Variants in TNIP1 observed in about 807,000 individuals in gnomAD.
The protein encoded by TNIP1 is TNFAIP3 interacting protein 1, also known as TNFAIP3-interacting protein 1.
TNIP1 carries 22 observed loss-of-function variants against 86.6 expected under a neutral mutation model. That is an observed-to-expected ratio of 0.25 (90% CI 0.18 to 0.36). The LOEUF (loss-of-function observed/expected upper bound fraction) is 0.36, where lower values mean the gene tolerates loss of function less well. Among genes scored for constraint, TNIP1 ranks in the 10% least tolerant of loss-of-function variants. The pLI is 1.00. For missense variants in TNIP1, 709 were observed against 820.6 expected (o/e 0.86, Z 1.66); for synonymous variants, 294 against 313.0 (o/e 0.94, Z 0.64).
intron 9 of TNIP1, among the ~76,000 whole-genome samples, chr5:151,044,658 G>C (rs1198032222): frequency 1.3e-5 from 2 of 152,224 alleles, no homozygotes; most frequent in Non-Finnish European, 2.9e-5. Flanking sequence ...GGGTTCTAGA[G>C]AAGCACCTGG....
At chr5:151,046,283 A>C in intron 8 of TNIP1, 1 of 247,128 alleles carries the variant, frequency 4.0e-6, no homozygotes, top group Non-Finnish European at 7.9e-6. Context: ...CAGCCAAAAA[A>C]CTCTCTGGCC....
intron 8 of TNIP1, among the ~76,000 whole-genome samples, chr5:151,048,089 C>A (rs1226294280): frequency 2.6e-5 from 4 of 152,176 alleles, no homozygotes; most frequent in Admixed American, 2.0e-4. Flanking sequence ...AAGGTCACCC[C>A]CTTTGAGAAA....
At chr5:151,062,298 G>A (rs1761677267) in intron 3 of TNIP1, 86 bp from the exon 4 acceptor site, 1 of 1,262,080 alleles carries the variant, frequency 7.9e-7, no homozygotes, top group Non-Finnish European at 1.2e-6. Context: ...CTTGACAAAA[G>A]GGTTCTCAGA....
rs1756750304 is a variant in TNIP1 at position 151,030,489 on chromosome 5, C to T, written c.*224G>A. ...ACTCAGCAGCAGGGAAGGAGTTTTT[C>T]CCAGTCACTCCCAGCAGAGTACAAA... is the stretch of plus-strand genomic sequence containing the variant. On this transcript the variant is annotated 3_prime_UTR_variant, in exon 18 of 18. Coordinates refer to ENST00000521591, the MANE Select transcript of TNIP1 (RefSeq NM_006058.5). The T allele has an allele frequency of 1.5e-6, 1 of 646,424 alleles. No individual in the cohort carries two copies. 40.0% of individuals were successfully genotyped at this position (646,424 alleles called of 1,614,324 possible).
chr5:151,058,569 C>T (rs1346304957), intron 5 of TNIP1, among the ~76,000 whole-genome samples: 2 of 152,162 alleles, frequency 1.3e-5, no homozygotes, highest in African/African-American at 4.8e-5. Flanking sequence ...CCCACTTTAC[C>T]CTGCCTGAAC....
Position 151,063,724 on chromosome 5 carries a change from T to C in TNIP1, c.160A>G (p.Met54Val). The stretch of plus-strand genomic sequence containing the variant: ...TTCTGCCGGAGCCTGGTCGCTTCCA[T>C]CTGGGACTCTTCCAAAAGCTCCCCT... ...MLGELLEESQ[M>V]EATRLRQKAE... The change falls in exon 3 of 18, where the codon ATG becomes GTG. Residue 54 changes from methionine to valine, a missense_variant. Transcript: ENST00000521591. 6.2e-7 allele frequency: 1 copy of C among 1,613,978 alleles called. No individual in the cohort carries two copies. Among genetic ancestry groups the C allele is most frequent in the Non-Finnish European group, 8.5e-7 (1 of 1,179,948 alleles).
intron 5 of TNIP1, among the ~76,000 whole-genome samples, chr5:151,059,804 AG>A: frequency 9.0e-6 from 1 of 110,560 alleles, no homozygotes; most frequent in East Asian, 2.9e-4. Context: ...AGAGAGAGAG[AG>A]AGAGAGAGAG....
At chr5:151,080,745 C>T (rs1044937396) in intron 1 of TNIP1, 135 bp downstream of exon 1, 10 of 152,330 alleles carry the variant, frequency 6.6e-5, no homozygotes, top group African/African-American at 1.4e-4. Context: ...GGAGACGCCC[C>T]GGGACCCCGC....
chr5:151,078,022 C>T (rs1763583992), intron 1 of TNIP1, among the ~76,000 whole-genome samples: 1 of 152,122 alleles, frequency 6.6e-6, no homozygotes, highest in Non-Finnish European at 1.5e-5. Flanking sequence ...TCCAGAAGAC[C>T]CCTCCAACCA....
intron 11 of TNIP1, among the ~76,000 whole-genome samples, chr5:151,040,854 A>T (rs1758325972): frequency 6.6e-6 from 1 of 152,184 alleles, no homozygotes; most frequent in Non-Finnish European, 1.5e-5. Context: ...TGAAGGGGAA[A>T]ACATGGTGAC....
At chr5:151,060,244 C>T in intron 5 of TNIP1, 74 bp downstream of exon 5, 2 of 1,524,958 alleles carry the variant, frequency 1.3e-6, no homozygotes, top group Non-Finnish European at 1.8e-6. Flanking sequence ...GGTTCTGTGC[C>T]TCTCACATGG....
chr5:151,068,509 T>C (rs533652359), intron 1 of TNIP1, among the ~76,000 whole-genome samples: 5 of 152,254 alleles, frequency 3.3e-5, no homozygotes, highest in Non-Finnish European at 7.4e-5. Context: ...CCCTCTGCTG[T>C]CCACAAACCA....
intron 1 of TNIP1, among the ~76,000 whole-genome samples, chr5:151,072,729 C>G (rs761268291): frequency 6.6e-6 from 1 of 152,132 alleles, no homozygotes; most frequent in Non-Finnish European, 1.5e-5. Context: ...TAGCACTGGA[C>G]CCAACATTCC....
At chr5:151,045,249 C>T (rs750929425) in intron 9 of TNIP1, among the ~76,000 whole-genome samples, 10 of 152,080 alleles carry the variant, frequency 6.6e-5, no homozygotes, top group Admixed American at 2.0e-4. Context: ...GCCACCATGC[C>T]CGCTAATTTT....
intron 12 of TNIP1, among the ~76,000 whole-genome samples, chr5:151,037,876 G>A (rs367955907): frequency 1.4e-4 from 22 of 152,174 alleles, no homozygotes; most frequent in African/African-American, 3.9e-4. Context: ...AGGATGCTCC[G>A]AGGGGAAGTT....
intron 1 of TNIP1, among the ~76,000 whole-genome samples, chr5:151,079,078 G>A (rs1392925047): frequency 6.6e-6 from 1 of 152,194 alleles, no homozygotes; most frequent in African/African-American, 2.4e-5. Flanking sequence ...ACCCAAGGCT[G>A]GGAGACAAAC....
At chr5:151,080,666 G>A (rs1010146575) in intron 1 of TNIP1, among the ~76,000 whole-genome samples, 3 of 152,194 alleles carry the variant, frequency 2.0e-5, no homozygotes, top group African/African-American at 7.2e-5. Context: ...CGCGCAGTGC[G>A]CACGCGCGCC....
upstream of TNIP1, among the ~76,000 whole-genome samples, chr5:151,083,895 A>G (rs1017603648): frequency 6.6e-6 from 1 of 152,230 alleles, no homozygotes; most frequent in Non-Finnish European, 1.5e-5. Flanking sequence ...GCTGTGTGCT[A>G]TCTCCGCGCT....
At chr5:151,083,574 C>G (rs1764163728), upstream of TNIP1, among the ~76,000 whole-genome samples, 1 of 152,220 alleles carries the variant, frequency 6.6e-6, no homozygotes, top group African/African-American at 2.4e-5. Flanking sequence ...GGTGCAACCT[C>G]TTGTTCTTCC....
Sources: allele counts gnomAD v4.1 joint callset (sites outside exome capture counted in the v4.1 genomes callset), GRCh38; gene constraint gnomAD v4.1.1; transcripts MANE v1.5; gene names NCBI Gene and HGNC (gene_info 2026-07-23, HGNC 2026-07-21).